The following KCNQ1 variants were observed in gnomAD, a reference collection of about 807,000 sequenced individuals.
KCNQ1 encodes potassium voltage-gated channel subfamily KQT member 1.
In KCNQ1, 49 loss-of-function variants were observed where a neutral mutation model predicts 72.4. The observed-to-expected ratio is 0.68, with a 90% CI of 0.54 to 0.86. The LOEUF is 0.86. Ranked by LOEUF, KCNQ1 falls within the 40% of genes least tolerant of loss-of-function variation. The probability of loss-of-function intolerance (pLI) is 0.00; values close to 1 mark genes in which losing one functional copy is unlikely to be tolerated. For synonymous variants in KCNQ1, 450 were observed against 412.6 expected (o/e 1.09, Z -1.10); for missense variants, 790 against 945.1 (o/e 0.84, Z 2.15).
chr11:2,756,680 A>C (rs1176504365), intron 11 of KCNQ1, among the ~76,000 whole-genome samples: 1 of 151,914 alleles, frequency 6.6e-6, no homozygotes. Context: ...TGAACTCCTG[A>C]GCTCAAAGCA....
In KCNQ1 at chr11:2,599,677, CTT is replaced by C. The variant is rs1011278262; in HGVS notation, c.1393+10825_1393+10826del. On this transcript the variant is annotated intron_variant, in intron 10 of 15. Transcript: ENST00000155840. This position sits in a 1 kb window ranked among gnomAD's most constrained non-coding sequence, Gnocchi z 4.7. ...AGCAAGGCTGCTTTCCCTGAGGCCTCTTTCCTTGCCTTGCAGATGGCCGCCTT... is the reference window on the plus strand; with the variant it reads ...AGCAAGGCTGCTTTCCCTGAGGCCTCTCCTTGCCTTGCAGATGGCCGCCTT... Among the ~76,000 whole-genome samples the C allele has an allele frequency of 2.0e-5, 3 of 152,322 alleles. No individual in the cohort carries two copies. The highest frequency in any genetic ancestry group is 3.4e-3 in the Middle Eastern group (1 of 294).
At chr11:2,789,575 C>T (rs945882902) in intron 15 of KCNQ1, among the ~76,000 whole-genome samples, 12 of 152,174 alleles carry the variant, frequency 7.9e-5, no homozygotes, top group African/African-American at 1.4e-4. Flanking sequence ...GGAACGTGAT[C>T]GCATCTCTGT....
rs971490876 is a variant in KCNQ1, at chr11:2,547,950, G to A, written c.477+19932G>A. ...GGGTGGAGGGAGCTGTGAGGAGCCT[G>A]TAGCATTCAGAGACAGGGGAGCAGG... On this transcript the variant is annotated intron_variant, in intron 2 of 15. Transcript: ENST00000155840. This position sits in a 1 kb window ranked among gnomAD's most constrained non-coding sequence, Gnocchi z 4.2. Among the ~76,000 whole-genome samples, 1 of 152,244 alleles carries A rather than the reference G, an allele frequency of 6.6e-6. No individual in the cohort carries two copies. The highest frequency in any genetic ancestry group is 1.5e-5 in the Non-Finnish European group (1 of 68,048).
intron 1 of KCNQ1, among the ~76,000 whole-genome samples, chr11:2,513,880 C>T (rs1381914183): frequency 6.6e-6 from 1 of 152,208 alleles, no homozygotes. Flanking sequence ...ATTCACCTGC[C>T]CGGCTAAAGC....
Position 2,674,285 on chromosome 11 carries a change from T to C in KCNQ1, c.1514+12204T>C, listed in dbSNP as rs1338052780. ...AGCCCCCGGCACACACACTAGGACCTTTCTTCATCATGCAGCCGTAGAGCT... is the reference window on the plus strand; with the variant it reads ...AGCCCCCGGCACACACACTAGGACCCTTCTTCATCATGCAGCCGTAGAGCT... On this transcript the variant is annotated intron_variant, in intron 11 of 15. Coordinates refer to ENST00000155840, the MANE Select transcript of KCNQ1 (RefSeq NM_000218.3). The surrounding 1 kb of genome is among the most constrained non-coding windows in gnomAD (Gnocchi z 5.9). 1.4e-4 allele frequency: 55 copies of C among 398,546 alleles called. No individual in the cohort carries two copies. Among genetic ancestry groups the C allele is most frequent in the Non-Finnish European group, 9.7e-5 (22 of 226,116 alleles). 24.7% of individuals were successfully genotyped at this position (398,546 alleles called of 1,614,324 possible).
intron 11 of KCNQ1, among the ~76,000 whole-genome samples, chr11:2,744,585 C>G (rs1257589129): frequency 6.6e-6 from 1 of 152,132 alleles, no homozygotes. Context: ...ATGCCAGGTA[C>G]CTTACTAGGC....
intron 11 of KCNQ1, among the ~76,000 whole-genome samples, chr11:2,719,381 A>G (rs1851165016): frequency 6.6e-6 from 1 of 150,436 alleles, no homozygotes; most frequent in Non-Finnish European, 1.5e-5. Flanking sequence ...CTGTGGTCCC[A>G]GCTGTTTGGG....
chr11:2,498,379 C>G lies in KCNQ1; in HGVS notation c.387-29549C>G, dbSNP rs896810281. Reference sequence around the variant, plus strand: ...GGCTGCTGCCTTTCTTTCAGAGATGCCCTGCCCAGTGAGGAGGAATCTAGA... The same window carrying G: ...GGCTGCTGCCTTTCTTTCAGAGATGGCCTGCCCAGTGAGGAGGAATCTAGA... On this transcript the variant is annotated intron_variant, in intron 1 of 15. Coordinates refer to ENST00000155840, the MANE Select transcript of KCNQ1 (RefSeq NM_000218.3). This position sits in a 1 kb window ranked among gnomAD's most constrained non-coding sequence, Gnocchi z 4.8. Among the ~76,000 whole-genome samples, 2 of 152,358 alleles carry G rather than the reference C, an allele frequency of 1.3e-5. No individual in the cohort carries two copies. The highest frequency in any genetic ancestry group is 1.9e-4 in the East Asian group (1 of 5,186).
At chr11:2,586,732 G>T (rs58902221) in intron 8 of KCNQ1, among the ~76,000 whole-genome samples, 197 of 152,244 alleles carry the variant, frequency 1.3e-3, no homozygotes, top group African/African-American at 4.5e-3. Flanking sequence ...AGTGAGGGCT[G>T]CAGGTGCCCC....
chr11:2,632,576 G>C (rs941050505), intron 10 of KCNQ1: 2 of 398,264 alleles, frequency 5.0e-6, no homozygotes, highest in Middle Eastern at 6.3e-4. Context: ...GATATACACA[G>C]TGATATTGTG....
chr11:2,789,443 T>C (rs1174592826), intron 15 of KCNQ1, among the ~76,000 whole-genome samples: 1 of 152,170 alleles, frequency 6.6e-6, no homozygotes, highest in African/African-American at 2.4e-5. Context: ...AGAAGCGTGG[T>C]ATATACTGAG....
At chr11:2,761,580 T>C (rs1249323605) in intron 11 of KCNQ1, among the ~76,000 whole-genome samples, 1 of 152,198 alleles carries the variant, frequency 6.6e-6, no homozygotes, top group Non-Finnish European at 1.5e-5. Flanking sequence ...AGCACTTCCC[T>C]GCCCCTCTTC....
rs190505079 is a variant in KCNQ1, at chr11:2,557,899, C to T, written c.478-12729C>T. Reference sequence around the variant, plus strand: ...GAGTTGTTTTGTTCCCTTATGTCTGCGGAACACTTACAAAACCAATCATTC... The same window carrying T: ...GAGTTGTTTTGTTCCCTTATGTCTGTGGAACACTTACAAAACCAATCATTC... On this transcript the variant is annotated intron_variant, in intron 2 of 15. Transcript: ENST00000155840. Among the ~76,000 whole-genome samples the T allele has an allele frequency of 1.2e-4, 18 of 152,302 alleles. No individual in the cohort carries two copies. In the East Asian group the frequency reaches 1.3e-3, roughly 11 times the overall value.
At position 2,673,812 on chromosome 11, in the gene KCNQ1, C is replaced by T. The variant is rs7105073; in HGVS notation, c.1514+11731C>T. On this transcript the variant is annotated intron_variant, in intron 11 of 15. Coordinates refer to ENST00000155840, the MANE Select transcript of KCNQ1 (RefSeq NM_000218.3). This position sits in a 1 kb window ranked among gnomAD's most constrained non-coding sequence, Gnocchi z 4.5. ...CAAAGGGCAGTGATGGCCCTTCAAT[C>T]CCAGGCCCACAAGCACCACAGCCAG... 34,192 of 398,594 alleles carry T rather than the reference C, an allele frequency of 0.086. 1,782 individuals are homozygous for T. The highest frequency in any genetic ancestry group is 0.12 in the African/African-American group (5,721 of 48,678). The allele number at this position is 398,594 out of a possible 1,614,324, so 24.7% of individuals were successfully genotyped here.
In KCNQ1 at chr11:2,570,787, C is replaced by G. The variant is rs774970104; in HGVS notation, c.604+33C>G. On this transcript the variant is annotated intron_variant, in intron 3 of 15. Transcript: ENST00000155840. ...ATGCCTGCCCTGTGGAGGTCACGCCCAGGTTTCCAGACCAGGAAGGACCCC... is the reference window on the plus strand; with the variant it reads ...ATGCCTGCCCTGTGGAGGTCACGCCGAGGTTTCCAGACCAGGAAGGACCCC... The G allele has an allele frequency of 2.8e-5, 45 of 1,606,228 alleles. 1 individual carries two copies. The Middle Eastern group carries it at 9.9e-4, about 35-fold the overall frequency.
In KCNQ1 at chr11:2,768,873, A is replaced by G; in HGVS notation, c.1544A>G (p.Lys515Arg). 6.2e-7 allele frequency: 1 copy of G among 1,614,066 alleles called. No individual in the cohort carries two copies. The highest frequency in any genetic ancestry group is 8.5e-7 in the Non-Finnish European group (1 of 1,179,994). The change falls in exon 12 of 16, where the codon AAG becomes AGG. Residue 515 changes from lysine to arginine, a missense_variant. By Grantham distance (26) the Lys-to-Arg change is conservative. Around this residue, in one of 5 missense-constraint regions of KCNQ1, gnomAD observed 178 missense variants for 177.9 expected, o/e 1.00. Coordinates refer to ENST00000155840, the MANE Select transcript of KCNQ1 (RefSeq NM_000218.3). The surrounding 1 kb of genome is among the most constrained non-coding windows in gnomAD (Gnocchi z 6.7). ...QLREHHRATI[K>R]VIRRMQYFVA... ...CGGGAACACCATCGGGCCACCATTA[A>G]GGTCATTCGACGCATGCAGTACTTT...
intron 11 of KCNQ1, among the ~76,000 whole-genome samples, chr11:2,733,808 A>ACACACACACACACACACT (rs1564875270): frequency 7.9e-5 from 5 of 63,332 alleles, no homozygotes; most frequent in African/African-American, 3.7e-4. Context: ...ACACACACAC[A>ACACACACACACACACACT]CACACACTCT....
intron 11 of KCNQ1, among the ~76,000 whole-genome samples, chr11:2,747,262 TC>T (rs1195740822): frequency 1.3e-5 from 2 of 152,356 alleles, no homozygotes; most frequent in African/African-American, 4.8e-5. Context: ...ATTAGTCTTC[TC>T]CAATGGGGAC....
In KCNQ1 at chr11:2,698,567, A is replaced by C. The variant is rs1212871809; in HGVS notation, c.1514+36486A>C. The C allele has an allele frequency of 2.5e-6, 1 of 397,598 alleles. No homozygotes were observed. Among genetic ancestry groups the C allele is most frequent in the Non-Finnish European group, 4.4e-6 (1 of 225,886 alleles). 24.6% of individuals were successfully genotyped at this position (397,598 alleles called of 1,614,324 possible). A position where few individuals can be genotyped will look rare whatever the true frequency, so the allele number is the denominator to read the frequency against. ...CCTTTACTTCGCCCCCTAATTCCTGACTCAGAATCCCCACCTAGAGGCAGA... is the reference window on the plus strand; with the variant it reads ...CCTTTACTTCGCCCCCTAATTCCTGCCTCAGAATCCCCACCTAGAGGCAGA... On this transcript the variant is annotated intron_variant, in intron 11 of 15. Transcript: ENST00000155840. The surrounding 1 kb of genome is among the most constrained non-coding windows in gnomAD (Gnocchi z 5.1).
Sources: gnomAD v4.1 joint callset for allele counts (sites outside exome capture counted in the v4.1 genomes callset) on GRCh38, gnomAD v4.1.1 for gene constraint, gnomAD v4.1.1 regional missense constraint, Gnocchi (gnomAD v3.1) non-coding constraint, MANE v1.5 for transcripts, NCBI Gene and HGNC (gene_info 2026-07-23, HGNC 2026-07-21) for gene names.